PLD5: variants seen among roughly 807,000 people sequenced by gnomAD.
PLD5 encodes phospholipase D family member 5, also known as inactive phospholipase D5.
Under a neutral mutation model 61.1 loss-of-function variants are expected in PLD5, and 36 were observed. The ratio of observed to expected loss-of-function variants is 0.59; its 90% confidence interval spans 0.45 to 0.78. The LOEUF is 0.78. PLD5 is among the 30% of genes least tolerant of loss of function. The pLI is 0.00. For missense variants in PLD5, 515 were observed against 644.4 expected, an observed-to-expected ratio of 0.80 and a Z score of 2.17; for synonymous variants, 243 against 242.8, an observed-to-expected ratio of 1.00 and a Z score of -0.01.
chr1:242,397,191 G>A (rs1663636473), intron 1 of PLD5, among the ~76,000 whole-genome samples: 1 of 151,952 alleles, frequency 6.6e-6, no homozygotes, highest in African/African-American at 2.4e-5. Context: ...GACCTCGTTG[G>A]ACCCTTCCTC....
At chr1:242,408,605 G>A (rs775610268) in intron 1 of PLD5, among the ~76,000 whole-genome samples, 1 of 152,150 alleles carries the variant, frequency 6.6e-6, no homozygotes, top group Non-Finnish European at 1.5e-5. Context: ...CTCCATGACT[G>A]TAAGCTTCCT....
chr1:242,514,989 T>C (rs1413537130), intron 1 of PLD5, among the ~76,000 whole-genome samples: 3 of 152,184 alleles, frequency 2.0e-5, no homozygotes, highest in African/African-American at 7.2e-5. Flanking sequence ...ACGCATTTTA[T>C]TTATTTTTTG....
At chr1:242,362,555 G>A (rs1296986934) in intron 1 of PLD5, among the ~76,000 whole-genome samples, 1 of 152,104 alleles carries the variant, frequency 6.6e-6, no homozygotes, top group Non-Finnish European at 1.5e-5. Flanking sequence ...GATTCTAGAT[G>A]TGCTGTTATC....
intron 3 of PLD5, among the ~76,000 whole-genome samples, chr1:242,273,261 CT>C (rs1674217759): frequency 6.6e-6 from 1 of 151,756 alleles, no homozygotes; most frequent in Non-Finnish European, 1.5e-5. Flanking sequence ...TGAACTCATT[CT>C]TTTTTATGGC....
At chr1:242,166,385 G>A (rs1259633143) in intron 5 of PLD5, among the ~76,000 whole-genome samples, 1 of 152,176 alleles carries the variant, frequency 6.6e-6, no homozygotes, top group Non-Finnish European at 1.5e-5. Flanking sequence ...GGACAGGGTG[G>A]CTAGCCACTC....
intron 5 of PLD5, among the ~76,000 whole-genome samples, chr1:242,136,023 G>A (rs1663695437): frequency 6.6e-6 from 1 of 151,886 alleles, no homozygotes; most frequent in Non-Finnish European, 1.5e-5. Context: ...GGCGAGGGAG[G>A]AAAGAGCAGC....
intron 5 of PLD5, among the ~76,000 whole-genome samples, chr1:242,199,920 A>C (rs1668877395): frequency 6.6e-6 from 1 of 152,124 alleles, no homozygotes; most frequent in African/African-American, 2.4e-5. Context: ...CCAGTCCTTC[A>C]CTGATGGACA....
intron 5 of PLD5, among the ~76,000 whole-genome samples, chr1:242,172,185 CCA>C (rs1467616584): frequency 6.6e-6 from 1 of 152,216 alleles, no homozygotes; most frequent in Middle Eastern, 3.2e-3. Context: ...GTCTCTCAGA[CCA>C]CAGTGCAATC....
intron 1 of PLD5, among the ~76,000 whole-genome samples, chr1:242,369,942 C>T (rs979608404): frequency 4.6e-5 from 7 of 152,096 alleles, no homozygotes; most frequent in African/African-American, 7.2e-5. Flanking sequence ...ACAGAACTGC[C>T]GAACACAGAG....
chr1:242,422,032 A>C (rs150416856), intron 1 of PLD5, among the ~76,000 whole-genome samples: 1 of 152,344 alleles, frequency 6.6e-6, no homozygotes, highest in African/African-American at 2.4e-5. Context: ...ACATATTCTA[A>C]TTTAGGCTGA....
intron 2 of PLD5, among the ~76,000 whole-genome samples, chr1:242,326,723 T>C (rs542184394): frequency 1.3e-5 from 2 of 152,258 alleles, no homozygotes; most frequent in Non-Finnish European, 2.9e-5. Flanking sequence ...TGTTTTGTTT[T>C]TGAGACAGGG....
intron 3 of PLD5, among the ~76,000 whole-genome samples, chr1:242,276,301 C>A (rs906456355): frequency 6.6e-6 from 1 of 150,992 alleles, no homozygotes; most frequent in African/African-American, 2.4e-5. Flanking sequence ...TGTGCCACTG[C>A]TGCCCAGCCT....
At chr1:242,523,540 A>T (rs1669346645) in intron 1 of PLD5, among the ~76,000 whole-genome samples, 1 of 152,094 alleles carries the variant, frequency 6.6e-6, no homozygotes, top group African/African-American at 2.4e-5. Context: ...ATCTCTCCCT[A>T]GTTGGGCTCA....
chr1:242,175,164 G>A lies in PLD5; in HGVS notation c.735+44824C>T, dbSNP rs189324323. On this transcript the variant is annotated intron_variant, in intron 5 of 9. Transcript: ENST00000536534. ...ACACAGCAAAAAAAGAAAATTTCAG[G>A]CCAATATCCCTGATGAACATGGATG... is the stretch of plus-strand genomic sequence containing the variant. Among the ~76,000 whole-genome samples the A allele has an allele frequency of 1.2e-3, 187 of 152,196 alleles. 1 individual carries two copies. Among genetic ancestry groups the A allele is most frequent in the African/African-American group, 4.2e-3 (174 of 41,534 alleles).
intron 1 of PLD5, among the ~76,000 whole-genome samples, chr1:242,378,143 A>G (rs1181716376): frequency 1.3e-5 from 2 of 152,254 alleles, no homozygotes; most frequent in East Asian, 3.8e-4. Context: ...GGATCGACAA[A>G]ATGTGATAAG....
intron 4 of PLD5, among the ~76,000 whole-genome samples, chr1:242,244,866 TCTAC>T (rs1672268716): frequency 6.6e-6 from 1 of 152,218 alleles, no homozygotes; most frequent in Admixed American, 6.5e-5. Context: ...AAAATAAAGT[TCTAC>T]CTAAGTTTCC....
chr1:242,415,281 A>G (rs1308234520), intron 1 of PLD5, among the ~76,000 whole-genome samples: 1 of 152,178 alleles, frequency 6.6e-6, no homozygotes, highest in Non-Finnish European at 1.5e-5. Context: ...ACTGGTTAGA[A>G]AGATATATCT....
At chr1:242,209,559 C>T (rs919095064) in intron 5 of PLD5, among the ~76,000 whole-genome samples, 4 of 152,132 alleles carry the variant, frequency 2.6e-5, no homozygotes, top group African/African-American at 9.7e-5. Context: ...GATCAGTTAT[C>T]TTTGATGTTA....
intron 4 of PLD5, among the ~76,000 whole-genome samples, chr1:242,246,478 A>AACACACACACACAC (rs34723926): frequency 0.035 from 4,978 of 141,102 alleles, 135 homozygotes; most frequent in Middle Eastern, 0.062. Context: ...TAGAAAAGAC[A>AACACACACACACAC]ACACACACAC....
Sources: allele counts gnomAD v4.1 joint callset (sites outside exome capture counted in the v4.1 genomes callset), GRCh38; gene constraint gnomAD v4.1.1; transcripts MANE v1.5; gene names NCBI Gene and HGNC (gene_info 2026-07-23, HGNC 2026-07-21).